The following CHST11 variants were observed in gnomAD, a reference collection of about 807,000 sequenced individuals.
The protein encoded by CHST11 is carbohydrate sulfotransferase 11, also known as C4S-1.
CHST11 carries 9 observed loss-of-function variants against 30.4 expected under a neutral mutation model. That is an observed-to-expected ratio of 0.30 (90% CI 0.18 to 0.52). The LOEUF is 0.52. Ranked by LOEUF, CHST11 falls within the 20% of genes least tolerant of loss-of-function variation. CHST11 has a pLI of 0.97. For missense variants in CHST11, 348 were observed against 460.6 expected, an observed-to-expected ratio of 0.76 and a Z score of 2.24; for synonymous variants, 152 against 187.8, an observed-to-expected ratio of 0.81 and a Z score of 1.56.
intron 2 of CHST11, among the ~76,000 whole-genome samples, chr12:104,707,039 C>T (rs773247868): frequency 1.3e-5 from 2 of 152,190 alleles, no homozygotes; most frequent in African/African-American, 2.4e-5. Context: ...TCTCATCATC[C>T]GAGTCTCAGT....
chr12:104,469,557 A>G (rs915365430), intron 1 of CHST11, among the ~76,000 whole-genome samples: 3 of 152,192 alleles, frequency 2.0e-5, no homozygotes, highest in African/African-American at 7.2e-5. Flanking sequence ...AGCATGGCTC[A>G]TTGCACAGGA....
intron 2 of CHST11, among the ~76,000 whole-genome samples, chr12:104,751,942 T>A (rs1225923437): frequency 6.6e-6 from 1 of 152,250 alleles, no homozygotes; most frequent in Non-Finnish European, 1.5e-5. Context: ...TGTTATCTTC[T>A]CTTTAAACTT....
At chr12:104,608,438 A>G (rs1357248283) in intron 2 of CHST11, among the ~76,000 whole-genome samples, 1 of 152,126 alleles carries the variant, frequency 6.6e-6, no homozygotes, top group Non-Finnish European at 1.5e-5. Context: ...CCTTGGCACT[A>G]TCAGTCCTGC....
intron 2 of CHST11, among the ~76,000 whole-genome samples, chr12:104,618,806 G>A (rs10778346): frequency 0.65 from 99,453 of 152,008 alleles, 33,265 homozygotes; most frequent in East Asian, 0.91. Context: ...TATTCGGGGA[G>A]TTGCAGAACC....
chr12:104,558,295 C>T (rs1196390922), intron 1 of CHST11, among the ~76,000 whole-genome samples: 2 of 152,118 alleles, frequency 1.3e-5, no homozygotes, highest in Non-Finnish European at 2.9e-5. Context: ...TGAAACCGAG[C>T]CCCTAGCCCT....
chr12:104,712,404 C>T (rs1021257657), intron 2 of CHST11, among the ~76,000 whole-genome samples: 7 of 152,112 alleles, frequency 4.6e-5, no homozygotes, highest in East Asian at 1.9e-4. Context: ...CAGTATAAAG[C>T]GCCTCACAGC....
chr12:104,590,085 G>T (rs780346924), intron 1 of CHST11, among the ~76,000 whole-genome samples: 2 of 152,130 alleles, frequency 1.3e-5, no homozygotes, highest in Non-Finnish European at 2.9e-5. Flanking sequence ...ATTAGGTGCC[G>T]CATGACCCTT....
chr12:104,544,157 A>AG (rs2038317167), intron 1 of CHST11, among the ~76,000 whole-genome samples: 4 of 40,422 alleles, frequency 9.9e-5, no homozygotes, highest in African/African-American at 2.5e-4. Flanking sequence ...AAAGAAAGAA[A>AG]GAAAGAAAGA....
At chr12:104,513,454 A>C (rs1304499506) in intron 1 of CHST11, among the ~76,000 whole-genome samples, 1 of 152,162 alleles carries the variant, frequency 6.6e-6, no homozygotes, top group African/African-American at 2.4e-5. Context: ...AGGTGGAAAA[A>C]AGAATTCTGG....
At chr12:104,684,340 A>G (rs898729099) in intron 2 of CHST11, among the ~76,000 whole-genome samples, 4 of 149,866 alleles carry the variant, frequency 2.7e-5, no homozygotes, top group African/African-American at 9.9e-5. Flanking sequence ...AGATGGACAG[A>G]TAGGTGGATG....
chr12:104,675,328 C>T (rs2039731127), intron 2 of CHST11, among the ~76,000 whole-genome samples: 1 of 152,188 alleles, frequency 6.6e-6, no homozygotes, highest in Admixed American at 6.5e-5. Context: ...ATGGCAGCAT[C>T]GAATACACTC....
intron 2 of CHST11, among the ~76,000 whole-genome samples, chr12:104,738,108 T>A (rs908387697): frequency 6.6e-6 from 1 of 152,178 alleles, no homozygotes; most frequent in Non-Finnish European, 1.5e-5. Flanking sequence ...TGTAATTATG[T>A]CTGCTACACT....
intron 1 of CHST11, among the ~76,000 whole-genome samples, chr12:104,496,806 A>C (rs959902055): frequency 4.6e-5 from 7 of 152,164 alleles, no homozygotes; most frequent in African/African-American, 1.7e-4. Flanking sequence ...AGTTTGTAGG[A>C]TGTTTTATGT....
chr12:104,711,961 G>A lies in CHST11; in HGVS notation c.205-44988G>A, dbSNP rs773137158. 3.5e-4 allele frequency among the ~76,000 whole-genome samples: 54 copies of A among 152,292 alleles called. 1 individual carries two copies. Among genetic ancestry groups the A allele is most frequent in the South Asian group, 4.1e-4 (2 of 4,830 alleles). ...CTTTATGGGAGGGACGGGACAGGCA[G>A]CACCTGATGTTGGAAGGAGAGGAGT... is the stretch of plus-strand genomic sequence containing the variant. On this transcript the variant is annotated intron_variant, in intron 2 of 2. Transcript: ENST00000303694.
chr12:104,637,154 A>C (rs1301529538), intron 2 of CHST11, among the ~76,000 whole-genome samples: 2 of 151,644 alleles, frequency 1.3e-5, no homozygotes, highest in African/African-American at 4.9e-5. Context: ...AATACAAAAA[A>C]ATGAGCTGGG....
At chr12:104,589,734 C>G (rs1161532349) in intron 1 of CHST11, among the ~76,000 whole-genome samples, 1 of 152,088 alleles carries the variant, frequency 6.6e-6, no homozygotes, top group Non-Finnish European at 1.5e-5. Flanking sequence ...GCCTCAAATC[C>G]TTTTCTGGGA....
intron 2 of CHST11, among the ~76,000 whole-genome samples, chr12:104,617,152 G>A (rs770189574): frequency 2.0e-5 from 3 of 152,160 alleles, no homozygotes; most frequent in Non-Finnish European, 4.4e-5. Context: ...TTGAACGGGT[G>A]CCTTTAGAAA....
chr12:104,706,464 A>G (rs1592850147), intron 2 of CHST11, among the ~76,000 whole-genome samples: 2 of 148,450 alleles, frequency 1.3e-5, no homozygotes, highest in African/African-American at 2.5e-5. Flanking sequence ...ATGGAGAGGG[A>G]GAGAGAGAGA....
chr12:104,557,880 C>A (rs1016609639), intron 1 of CHST11, among the ~76,000 whole-genome samples: 11 of 152,026 alleles, frequency 7.2e-5, no homozygotes, highest in Non-Finnish European at 1.5e-4. Flanking sequence ...ATCAGAGAAG[C>A]CTTCGTGGGG....
Sources: gnomAD v4.1 joint callset for allele counts (sites outside exome capture counted in the v4.1 genomes callset) on GRCh38, gnomAD v4.1.1 for gene constraint, MANE v1.5 for transcripts, NCBI Gene and HGNC (gene_info 2026-07-23, HGNC 2026-07-21) for gene names.